IL1RAPL1: variants seen among roughly 807,000 people sequenced by gnomAD.
IL1RAPL1 encodes the protein interleukin 1 receptor accessory protein like 1.
Under a neutral mutation model 48.4 loss-of-function variants are expected in IL1RAPL1, and 3 were observed. The ratio of observed to expected loss-of-function variants is 0.06; its 90% CI spans 0.03 to 0.16. IL1RAPL1 has a LOEUF of 0.16. Among genes scored for constraint, IL1RAPL1 ranks in the 10% least tolerant of loss-of-function variants. IL1RAPL1 has a pLI of 1.00. For missense variants in IL1RAPL1, 349 were observed against 530.6 expected, an observed-to-expected ratio of 0.66 and a Z score of 3.36; for synonymous variants, 185 against 187.7, an observed-to-expected ratio of 0.99 and a Z score of 0.12.
chrX:29,407,065 A>G (rs1390943998), intron 5 of IL1RAPL1, among the ~76,000 whole-genome samples: 1 of 112,224 alleles, frequency 8.9e-6, no homozygotes, highest in African/African-American at 3.2e-5. Context: ...TACAGAATCC[A>G]GTACATATTT....
In IL1RAPL1 at chrX:29,488,928, G is replaced by A. The variant is rs772284133; in HGVS notation, c.703+89620G>A. 2.7e-5 allele frequency among the ~76,000 whole-genome samples: 3 copies of A among 111,560 alleles called. No individual in the cohort carries two copies. The South Asian group carries it at 1.2e-3, about 43-fold the overall frequency. ...CACTGGAGAGTTAAAGATTATAATGGCAAAAACTGCAAGACTGGGGAGAGG... is the reference window on the plus strand; with the variant it reads ...CACTGGAGAGTTAAAGATTATAATGACAAAAACTGCAAGACTGGGGAGAGG... On this transcript the variant is annotated intron_variant, in intron 5 of 10. Transcript: ENST00000378993.
chrX:29,479,360 A>G (rs2147744887), intron 5 of IL1RAPL1, among the ~76,000 whole-genome samples: 1 of 98,631 alleles, frequency 1.0e-5, no homozygotes, highest in African/African-American at 3.9e-5. Flanking sequence ...GGTAGCAGTG[A>G]GTCATGGTTG....
At chrX:29,578,935 T>G (rs746813240) in intron 5 of IL1RAPL1, among the ~76,000 whole-genome samples, 1 of 112,154 alleles carries the variant, frequency 8.9e-6, no homozygotes, top group African/African-American at 3.2e-5. Context: ...GCTGGGTGGT[T>G]GTTTTTATGG....
At chrX:29,381,423 G>A (rs1342415411) in intron 3 of IL1RAPL1, among the ~76,000 whole-genome samples, 2 of 95,368 alleles carry the variant, frequency 2.1e-5, no homozygotes, top group African/African-American at 3.9e-5. Flanking sequence ...GGGAGGCCGA[G>A]GTGGGAGGAT....
chrX:29,123,051 A>G (rs5985956), intron 2 of IL1RAPL1, among the ~76,000 whole-genome samples: 24,397 of 98,649 alleles, frequency 0.25, 2,496 homozygotes, highest in African/African-American at 0.45. Context: ...ATTTTTTGAG[A>G]TGGAGTCTCA....
At chrX:29,408,359 A>T (rs1185255231) in intron 5 of IL1RAPL1, among the ~76,000 whole-genome samples, 1 of 111,522 alleles carries the variant, frequency 9.0e-6, no homozygotes, top group Non-Finnish European at 1.9e-5. Context: ...TATTATTTTA[A>T]AAAGAAAGAT....
At chrX:28,948,930 AG>A (rs1924376645) in intron 2 of IL1RAPL1, among the ~76,000 whole-genome samples, 1 of 111,685 alleles carries the variant, frequency 9.0e-6, no homozygotes, top group South Asian at 3.7e-4. Flanking sequence ...CTGTAATGAA[AG>A]TTATTTTCCT....
intron 1 of IL1RAPL1, among the ~76,000 whole-genome samples, chrX:28,665,431 T>C (rs534771415): frequency 1.7e-4 from 19 of 112,182 alleles, no homozygotes; most frequent in African/African-American, 6.1e-4. Flanking sequence ...CAAATTACAC[T>C]GGGTGTCCTG....
chrX:29,462,059 A>T (rs990815109), intron 5 of IL1RAPL1, among the ~76,000 whole-genome samples: 4 of 112,295 alleles, frequency 3.6e-5, no homozygotes, highest in Non-Finnish European at 7.5e-5. Flanking sequence ...ATATGAGGAG[A>T]TTATTTCTGT....
At chrX:29,137,484 T>C (rs73210085) in intron 2 of IL1RAPL1, among the ~76,000 whole-genome samples, 2,671 of 111,887 alleles carry the variant, frequency 0.024, 38 homozygotes, top group Non-Finnish European at 0.035. Flanking sequence ...TCATAGAGAC[T>C]TTTTTCCTTA....
At chrX:29,732,230 G>A (rs920378102) in intron 6 of IL1RAPL1, among the ~76,000 whole-genome samples, 1 of 111,551 alleles carries the variant, frequency 9.0e-6, no homozygotes, top group African/African-American at 3.3e-5. Flanking sequence ...AGTCTTCTTT[G>A]GAAATAACGT....
chrX:29,721,464 A>G (rs1927636892), intron 6 of IL1RAPL1, among the ~76,000 whole-genome samples: 1 of 111,267 alleles, frequency 9.0e-6, no homozygotes, highest in Non-Finnish European at 1.9e-5. Flanking sequence ...ATCATTGTTG[A>G]GTATTTTCTG....
At chrX:29,436,403 A>T (rs1187974882) in intron 5 of IL1RAPL1, among the ~76,000 whole-genome samples, 2 of 110,420 alleles carry the variant, frequency 1.8e-5, no homozygotes, top group African/African-American at 6.5e-5. Flanking sequence ...TGCAGCTTTG[A>T]TTTTACTAAG....
chrX:29,041,329 C>A (rs920788139), intron 2 of IL1RAPL1, among the ~76,000 whole-genome samples: 3 of 111,688 alleles, frequency 2.7e-5, no homozygotes, highest in Non-Finnish European at 5.6e-5. Flanking sequence ...CTATCTGGTA[C>A]TCTTTGTCTG....
intron 2 of IL1RAPL1, among the ~76,000 whole-genome samples, chrX:28,930,558 A>T (rs956514188): frequency 2.7e-5 from 3 of 112,714 alleles, no homozygotes; most frequent in Non-Finnish European, 3.7e-5. Context: ...TTTCTAAAAA[A>T]TTAACTTCTA....
intron 5 of IL1RAPL1, among the ~76,000 whole-genome samples, chrX:29,627,817 G>A (rs771744421): frequency 2.7e-5 from 3 of 112,151 alleles, no homozygotes; most frequent in South Asian, 3.7e-4. Context: ...GGGGAGCAGC[G>A]TGAAGTAACT....
At chrX:29,046,072 TG>T (rs1926964908) in intron 2 of IL1RAPL1, among the ~76,000 whole-genome samples, 1 of 107,268 alleles carries the variant, frequency 9.3e-6, no homozygotes, top group Non-Finnish European at 1.9e-5. Flanking sequence ...TCTTCAGGCA[TG>T]GCCTTGCTCT....
At chrX:29,170,801 G>A (rs1929892892) in intron 2 of IL1RAPL1, among the ~76,000 whole-genome samples, 1 of 111,313 alleles carries the variant, frequency 9.0e-6, no homozygotes, top group African/African-American at 3.3e-5. Context: ...CTTGAACTCC[G>A]ATAACTTCAG....
At chrX:29,105,419 T>A (rs1928428607) in intron 2 of IL1RAPL1, among the ~76,000 whole-genome samples, 2 of 111,875 alleles carry the variant, frequency 1.8e-5, no homozygotes, top group South Asian at 7.4e-4. Context: ...GCTATGGTGC[T>A]AGGAAAAAAA....
Sources: allele counts gnomAD v4.1 joint callset (sites outside exome capture counted in the v4.1 genomes callset), GRCh38; gene constraint gnomAD v4.1.1; transcripts MANE v1.5; gene names NCBI Gene and HGNC (gene_info 2026-07-23, HGNC 2026-07-21).